The following SORCS2 variants were observed in gnomAD, a reference collection of about 807,000 sequenced individuals.
SORCS2 encodes the protein sortilin related VPS10 domain containing receptor 2.
SORCS2 carries 100 observed loss-of-function variants against 141.6 expected under a neutral mutation model. That is an observed-to-expected ratio of 0.71 (90% CI 0.60 to 0.83). The LOEUF (loss-of-function observed/expected upper bound fraction) is 0.83, where lower values mean the gene tolerates loss of function less well. Among genes scored for constraint, SORCS2 ranks in the 40% least tolerant of loss-of-function variants. The probability of loss-of-function intolerance (pLI) is 0.00; values close to 1 mark genes in which losing one functional copy is unlikely to be tolerated. For missense variants in SORCS2, 1,646 were observed against 1,560.2 expected, an observed-to-expected ratio of 1.05 and a Z score of -0.93; for synonymous variants, 789 against 676.9, an observed-to-expected ratio of 1.17 and a Z score of -2.57.
chr4:7,389,595 G>A (rs960969299), intron 1 of SORCS2, among the ~76,000 whole-genome samples: 2 of 152,202 alleles, frequency 1.3e-5, no homozygotes, highest in African/African-American at 4.8e-5. Context: ...CGGCCCTGGT[G>A]AGGCTCAGGA....
chr4:7,371,085 C>T (rs892561297), intron 1 of SORCS2, among the ~76,000 whole-genome samples: 1 of 152,218 alleles, frequency 6.6e-6, no homozygotes, highest in Non-Finnish European at 1.5e-5. Flanking sequence ...ACATCGGGAG[C>T]AGGTCTCTGT....
chr4:7,480,095 C>T (rs1182158378), intron 2 of SORCS2, among the ~76,000 whole-genome samples: 1 of 151,906 alleles, frequency 6.6e-6, no homozygotes, highest in Non-Finnish European at 1.5e-5. Context: ...AGGAAGCCCC[C>T]TTCTGCGTGC....
intron 26 of SORCS2, among the ~76,000 whole-genome samples, chr4:7,739,312 C>G (rs1426244522): frequency 6.6e-6 from 1 of 152,096 alleles, no homozygotes; most frequent in Non-Finnish European, 1.5e-5. Context: ...TTGGGGCTCC[C>G]TCTCCTGCAG....
chr4:7,509,131 C>G (rs56293733), intron 2 of SORCS2, among the ~76,000 whole-genome samples: 2 of 152,042 alleles, frequency 1.3e-5, no homozygotes, highest in Admixed American at 6.5e-5. Context: ...GTCAGTTACA[C>G]GTGGCGGAAG....
chr4:7,519,149 C>T (rs1733167347), intron 2 of SORCS2, among the ~76,000 whole-genome samples: 1 of 152,202 alleles, frequency 6.6e-6, no homozygotes, highest in South Asian at 2.1e-4. Flanking sequence ...GTTGACAAGG[C>T]TCTGCATGCC....
intron 1 of SORCS2, among the ~76,000 whole-genome samples, chr4:7,354,708 A>AAGAG (rs145745168): frequency 2.0e-5 from 3 of 151,904 alleles, no homozygotes; most frequent in African/African-American, 4.8e-5. Context: ...GAGAGAGAGA[A>AAGAG]AGAGAGAGAG....
intron 3 of SORCS2, among the ~76,000 whole-genome samples, chr4:7,566,762 G>C (rs532673103): frequency 6.6e-6 from 1 of 152,202 alleles, no homozygotes; most frequent in East Asian, 1.9e-4. Flanking sequence ...GCTTACCTTA[G>C]TGGATGCTGG....
intron 1 of SORCS2, among the ~76,000 whole-genome samples, chr4:7,295,560 G>A (rs116197846): frequency 0.012 from 1,889 of 152,296 alleles, 28 homozygotes; most frequent in African/African-American, 0.043. Flanking sequence ...CCCAGGGTCC[G>A]TGGATGGGAA....
chr4:7,598,977 C>T (rs62277501), intron 3 of SORCS2, among the ~76,000 whole-genome samples: 218 of 152,332 alleles, frequency 1.4e-3, no homozygotes, highest in Non-Finnish European at 2.3e-3. Context: ...TGCCGATGCC[C>T]TTGCAGGCGG....
At position 7,453,928 on chromosome 4, in the gene SORCS2, C is replaced by T. The variant is rs549527629; in HGVS notation, c.548+57573C>T. The stretch of plus-strand genomic sequence containing the variant: ...GTTCAGGTGCTGTGTTGGGGTCAGG[C>T]ACTGTGTTGGGGTCAGGAGCTGTGT... On this transcript the variant is annotated intron_variant, in intron 2 of 26. Coordinates refer to ENST00000507866, the MANE Select transcript of SORCS2 (RefSeq NM_020777.3). Among the ~76,000 whole-genome samples, 14 of 111,892 alleles carry T rather than the reference C, an allele frequency of 1.3e-4. No individual in the cohort carries two copies. In the East Asian group the frequency reaches 2.0e-3, roughly 16 times the overall value. The allele number at this position is 111,892 out of a possible 152,430, so 73.4% of individuals were successfully genotyped here.
chr4:7,328,317 T>C (rs1299154647), intron 1 of SORCS2, among the ~76,000 whole-genome samples: 2 of 151,738 alleles, frequency 1.3e-5, no homozygotes, highest in Admixed American at 6.6e-5. Flanking sequence ...TTTACAGGCA[T>C]GAGCCACCGC....
chr4:7,723,634 A>AAT, intron 18 of SORCS2, 63 bp from the exon 19 acceptor site: 1 of 1,567,158 alleles, frequency 6.4e-7, no homozygotes, highest in Admixed American at 1.7e-5. Context: ...TGAGTGAATG[A>AAT]ACCACTCTGG....
intron 1 of SORCS2, among the ~76,000 whole-genome samples, chr4:7,364,840 G>A (rs1173128847): frequency 1.3e-5 from 2 of 152,234 alleles, no homozygotes; most frequent in African/African-American, 2.4e-5. Context: ...GGATGACAGA[G>A]CCTGTGTTCA....
chr4:7,723,708 G>C lies in SORCS2; in HGVS notation c.2436G>C (p.Leu812=), dbSNP rs1342304093. ...GTGTTTCTCTGCAGGGTGATGTCCT[G>C]ACTACCAAGTACCAGGTAGACCTTG... is the stretch of plus-strand genomic sequence containing the variant. The part of the protein sequence containing the change: ...FVVRQEQGDV[L]TTKYQVDLGD... The change falls in exon 19 of 27, where the codon CTG becomes CTC. Residue 812 remains leucine (L), a synonymous_variant. Coordinates refer to ENST00000507866, the MANE Select transcript of SORCS2 (RefSeq NM_020777.3). The C allele has an allele frequency of 6.2e-7, 1 of 1,613,966 alleles. No individual in the cohort carries two copies. The highest frequency in any genetic ancestry group is 2.2e-5 in the East Asian group (1 of 44,890).
In SORCS2 at chr4:7,424,325, G is replaced by A. The variant is rs573437210; in HGVS notation, c.548+27970G>A. Among the ~76,000 whole-genome samples, 18 of 152,334 alleles carry A rather than the reference G, an allele frequency of 1.2e-4. No individual in the cohort carries two copies. The East Asian group carries it at 3.3e-3, about 28-fold the overall frequency. On this transcript the variant is annotated intron_variant, in intron 2 of 26. Transcript: ENST00000507866. ...GGAAACCCCACGATGGCAGGCAGTG[G>A]CAGGCAGGAAGGACTGGCAAGCTCT...
At chr4:7,601,828 T>A (rs913247095) in intron 3 of SORCS2, among the ~76,000 whole-genome samples, 1 of 152,122 alleles carries the variant, frequency 6.6e-6, no homozygotes, top group Non-Finnish European at 1.5e-5. Context: ...CCTTCCGCAG[T>A]GTTTGTGTCC....
At chr4:7,332,446 T>C (rs1036214812) in intron 1 of SORCS2, among the ~76,000 whole-genome samples, 8 of 152,210 alleles carry the variant, frequency 5.3e-5, no homozygotes, top group African/African-American at 1.9e-4. Flanking sequence ...CTGCCTCTGC[T>C]TCTGTCCAGG....
chr4:7,566,290 G>A (rs963224747), intron 3 of SORCS2, among the ~76,000 whole-genome samples: 1 of 151,438 alleles, frequency 6.6e-6, no homozygotes, highest in African/African-American at 2.4e-5. Context: ...ATGATAATGT[G>A]TTAATGGTGA....
chr4:7,647,550 A>G (rs2108884817), intron 4 of SORCS2, among the ~76,000 whole-genome samples: 1 of 152,308 alleles, frequency 6.6e-6, no homozygotes, highest in African/African-American at 2.4e-5. Context: ...GCTGAGGGGA[A>G]GAGAGAAGGG....
Sources: gnomAD v4.1 joint callset for allele counts (sites outside exome capture counted in the v4.1 genomes callset) on GRCh38, gnomAD v4.1.1 for gene constraint, MANE v1.5 for transcripts, NCBI Gene and HGNC (gene_info 2026-07-23, HGNC 2026-07-21) for gene names.